HAUS8: variants seen among roughly 807,000 people sequenced by gnomAD.
HAUS8 encodes HAUS augmin-like complex subunit 8.
Under a neutral mutation model 42.9 loss-of-function variants are expected in HAUS8, and 38 were observed. The ratio of observed to expected loss-of-function variants is 0.89; its 90% confidence interval spans 0.68 to 1.16. HAUS8 has a LOEUF of 1.16. HAUS8 is among the 50% of genes most tolerant of loss of function. The pLI, the probability that HAUS8 is intolerant of heterozygous loss-of-function variation, is 0.00. For synonymous variants in HAUS8, 199 were observed against 205.8 expected (o/e 0.97, Z 0.28); for missense variants, 494 against 511.6 (o/e 0.97, Z 0.33).
At chr19:17,075,478 C>T, upstream of HAUS8, 1 of 1,599,310 alleles carries the variant, frequency 6.3e-7, no homozygotes, top group Non-Finnish European at 8.6e-7. Flanking sequence ...CCGGACCCGC[C>T]CCCTTGCTTG....
chr19:17,059,275 G>A (rs922352696), intron 6 of HAUS8, among the ~76,000 whole-genome samples: 2 of 152,198 alleles, frequency 1.3e-5, no homozygotes, highest in Admixed American at 6.5e-5. Flanking sequence ...CAAGGGACAG[G>A]GCCTGGCATT....
intron 2 of HAUS8, among the ~76,000 whole-genome samples, chr19:17,071,417 C>T (rs559673573): frequency 7.2e-5 from 11 of 152,216 alleles, no homozygotes; most frequent in African/African-American, 2.4e-4. Flanking sequence ...TGTGGACAAT[C>T]GGAAGGCCAC....
Position 17,049,944 on chromosome 19 carries a change from C to G in HAUS8, c.1162G>C (p.Glu388Gln), listed in dbSNP as rs568682930. ...PAQATFISPS[E>Q]DFSSSSQAEV... is the part of the protein sequence containing the mutation. ...GCCTGGCTGCTTGAAGAAAAATCTT[C>G]GCTTGGGCTGATGAACGTGGCCTGA... The change falls in exon 11 of 11, where the codon GAA becomes CAA. Residue 388 changes from glutamate to glutamine, a missense_variant. Coordinates refer to ENST00000253669, the MANE Select transcript of HAUS8 (RefSeq NM_033417.2). 6.4e-7 allele frequency: 1 copy of G among 1,554,962 alleles called. No homozygotes were observed. The highest frequency in any genetic ancestry group is 1.2e-5 in the South Asian group (1 of 83,044).
intron 3 of HAUS8, among the ~76,000 whole-genome samples, chr19:17,065,423 G>T (rs759370443): frequency 1.3e-5 from 2 of 152,204 alleles, no homozygotes; most frequent in Non-Finnish European, 2.9e-5. Context: ...CAGAGGCCAA[G>T]AAGAATCTGA....
intron 2 of HAUS8, among the ~76,000 whole-genome samples, chr19:17,071,343 G>A (rs1460386731): frequency 1.3e-5 from 2 of 152,202 alleles, no homozygotes; most frequent in Non-Finnish European, 2.9e-5. Context: ...AATCTGGGCA[G>A]CCCCAGGGTA....
chr19:17,068,099 C>CTTTTTTTTTTTT (rs889723027), intron 3 of HAUS8, among the ~76,000 whole-genome samples: 1 of 93,506 alleles, frequency 1.1e-5, no homozygotes, highest in Non-Finnish European at 2.1e-5. Flanking sequence ...TTATTTTATT[C>CTTTTTTTTTTTT]TTTTTTTTTT....
Position 17,055,173 on chromosome 19 carries a change from TATATATATATATATATATAA to T in HAUS8, c.787+668_787+687del, listed in dbSNP as rs1228186343. The T allele has an allele frequency of 5.1e-4, 25 of 49,170 alleles. 2 individuals are homozygous for T. Among genetic ancestry groups the T allele is most frequent in the African/African-American group, 2.5e-3 (24 of 9,552 alleles). The allele number at this position is 49,170 out of a possible 1,614,324, so 3.0% of individuals were successfully genotyped here. ...ATATATATATATATATATATATATATATATATATATATATATATAAGCCAGGTGTGGTGGTGCCCACGTGT... is the reference window on the plus strand; with the variant it reads ...ATATATATATATATATATATATATATGCCAGGTGTGGTGGTGCCCACGTGT... On this transcript the variant is annotated intron_variant, in intron 9 of 10. Transcript: ENST00000253669.
At chr19:17,069,132 AAGACCCCACACACCC>A (rs755338177) in intron 2 of HAUS8, 46 bp from the exon 3 acceptor site, 14 of 1,559,496 alleles carry the variant, frequency 9.0e-6, no homozygotes, top group Non-Finnish European at 1.2e-5. Context: ...CAAAGGACCG[AAGACCCCACACACCC>A]AGACCCCACG....
intron 2 of HAUS8, among the ~76,000 whole-genome samples, chr19:17,070,417 G>C (rs995701931): frequency 3.3e-5 from 5 of 152,206 alleles, no homozygotes; most frequent in African/African-American, 1.2e-4. Flanking sequence ...GGAAGCCTAA[G>C]TGCCTCCGGG....
At chr19:17,055,788 G>A in intron 9 of HAUS8, 73 bp downstream of exon 9, 1 of 1,483,142 alleles carries the variant, frequency 6.7e-7, no homozygotes, top group Non-Finnish European at 9.1e-7. Context: ...GATGACATCA[G>A]GCCCACAGGA....
At chr19:17,060,168 G>A in intron 4 of HAUS8, 76 bp from the exon 5 acceptor site, 10 of 796,102 alleles carry the variant, frequency 1.3e-5, no homozygotes, top group South Asian at 6.2e-5. Context: ...CGCAGGCCGT[G>A]TTTTTGAACA....
Position 17,050,078 on chromosome 19 carries a change from G to C in HAUS8, c.1028C>G (p.Pro343Arg). 1 of 1,603,840 alleles carries C rather than the reference G, an allele frequency of 6.2e-7. No homozygotes were observed. The highest frequency in any genetic ancestry group is 8.5e-7 in the Non-Finnish European group (1 of 1,175,226). The change falls in exon 11 of 11, where the codon CCC (proline) becomes CGC (arginine). Residue 343 changes from proline to arginine, a missense_variant. Coordinates refer to ENST00000253669, the MANE Select transcript of HAUS8 (RefSeq NM_033417.2). ...GTCTTGATTGAAATACCACCGGCTG[G>C]GGGGCGCCATGCCCTGGGTCTCTTC... The part of the protein sequence containing the change: ...VWEETQGMAP[P>R]SRWYFNQDSA...
chr19:17,049,975 G>A lies in HAUS8; in HGVS notation c.1131C>T (p.Ala377=), dbSNP rs1221892634. ...GGCTGATGAACGTGGCCTGAGCGGGGGCTGACGAGGCACCCGGGTTGTCGT... is the reference window on the plus strand; with the variant it reads ...GGCTGATGAACGTGGCCTGAGCGGGAGCTGACGAGGCACCCGGGTTGTCGT... ...SEDDNPGASS[A]PAQATFISPS... is the part of the protein sequence containing the mutation. Residue 377 remains alanine (A), a synonymous_variant, in exon 11 of 11, where the codon GCC becomes GCT. Coordinates refer to ENST00000253669, the MANE Select transcript of HAUS8 (RefSeq NM_033417.2). 4 of 1,599,754 alleles carry A rather than the reference G, an allele frequency of 2.5e-6. No homozygotes were observed. The East Asian group carries it at 9.1e-5, about 36-fold the overall frequency.
chr19:17,049,761 T>C lies in HAUS8; in HGVS notation c.*112A>G, dbSNP rs940689895. On this transcript the variant is annotated 3_prime_UTR_variant, in exon 11 of 11. Coordinates refer to ENST00000253669, the MANE Select transcript of HAUS8 (RefSeq NM_033417.2). ...TGGCCCCTTCATAGAAAATGGAGGC[T>C]TCAATTGCAAAACAGGTTTACTTTT... The C allele has an allele frequency of 1.1e-6, 1 of 915,688 alleles. No homozygotes were observed. Among genetic ancestry groups the C allele is most frequent in the Non-Finnish European group, 1.5e-6 (1 of 664,272 alleles). The allele number at this position is 915,688 out of a possible 1,614,324, so 56.7% of individuals were successfully genotyped here.
At chr19:17,073,541 A>T (rs928636419) in intron 1 of HAUS8, 14 of 597,664 alleles carry the variant, frequency 2.3e-5, no homozygotes, top group Non-Finnish European at 3.9e-5. Flanking sequence ...GCATAGGTGA[A>T]CACCCAAACT....
chr19:17,061,297 ATTT>A (rs1246745704), intron 4 of HAUS8, among the ~76,000 whole-genome samples: 2 of 151,868 alleles, frequency 1.3e-5, no homozygotes, highest in African/African-American at 2.4e-5. Context: ...TGCCCAGATA[ATTT>A]TTTATTTTTT....
rs1483823032 is a variant in HAUS8, at chr19:17,049,874, C to G, written c.1232G>C (p.Ter411SerextTer37). 1 of 1,479,732 alleles carries G rather than the reference C, an allele frequency of 6.8e-7. No homozygotes were observed. The highest frequency in any genetic ancestry group is 9.0e-7 in the Non-Finnish European group (1 of 1,114,384). 91.7% of individuals were successfully genotyped at this position (1,479,732 alleles called of 1,614,324 possible). A position where few individuals can be genotyped will look rare whatever the true frequency, so the allele number is the denominator to read the frequency against. Reference protein sequence around the residue: ...SLSRSGRDLS* With the variant: ...SLSRSGRDLSS Reference sequence around the variant, plus strand: ...AAGTATCCTGAATGTAACCATGAGTCATGACAAGTCCCTCCCTGAACGAGA... The same window carrying G: ...AAGTATCCTGAATGTAACCATGAGTGATGACAAGTCCCTCCCTGAACGAGA... Residue 411 changes from the stop codon to serine (S), a stop_lost, in exon 11 of 11, where the codon TGA becomes TCA. Coordinates refer to ENST00000253669, the MANE Select transcript of HAUS8 (RefSeq NM_033417.2).
intron 1 of HAUS8, chr19:17,074,740 T>C (rs1026285461): frequency 3.3e-5 from 5 of 152,260 alleles, no homozygotes; most frequent in East Asian, 1.9e-4. Context: ...GGTGGAGTGA[T>C]TCCTCTTGCT....
At chr19:17,051,098 G>T (rs1408126033) in intron 10 of HAUS8, among the ~76,000 whole-genome samples, 1 of 152,100 alleles carries the variant, frequency 6.6e-6, no homozygotes, top group South Asian at 2.1e-4. Flanking sequence ...GCAGCGAGAG[G>T]TGGGGCCTTT....
Sources: allele counts gnomAD v4.1 joint callset (sites outside exome capture counted in the v4.1 genomes callset), GRCh38; gene constraint gnomAD v4.1.1; transcripts MANE v1.5; gene names NCBI Gene and HGNC (gene_info 2026-07-23, HGNC 2026-07-21).